SUCLA2: variants seen among roughly 807,000 people sequenced by gnomAD.
The protein encoded by SUCLA2 is succinate-CoA ligase ADP-forming subunit beta.
SUCLA2 carries 30 observed loss-of-function variants against 54.8 expected under a neutral mutation model. The observed-to-expected ratio is 0.55, with a 90% CI of 0.41 to 0.74. The LOEUF (loss-of-function observed/expected upper bound fraction) is 0.74, where lower values mean the gene tolerates loss of function less well. SUCLA2 is among the 30% of genes least tolerant of loss of function. The pLI is 0.00. For synonymous variants in SUCLA2, 172 were observed against 188.9 expected (o/e 0.91, Z 0.74); for missense variants, 476 against 562.9 (o/e 0.85, Z 1.56).
At chr13:47,992,285 G>A (rs910384841) in intron 2 of SUCLA2, among the ~76,000 whole-genome samples, 4 of 147,452 alleles carry the variant, frequency 2.7e-5, no homozygotes, top group East Asian at 2.0e-4. Flanking sequence ...TCTCTTCCCC[G>A]CAAAGTGTCA....
At chr13:47,987,552 T>C (rs1704661498) in intron 4 of SUCLA2, 1 of 152,148 alleles carries the variant, frequency 6.6e-6, no homozygotes, top group African/African-American at 2.4e-5. Flanking sequence ...CTTAATTTTA[T>C]ATTCTGAGTG....
intron 10 of SUCLA2, among the ~76,000 whole-genome samples, chr13:47,947,075 A>C (rs1252118333): frequency 6.6e-6 from 1 of 152,198 alleles, no homozygotes; most frequent in Non-Finnish European, 1.5e-5. Flanking sequence ...GATGAGCCTG[A>C]AACATTTTAT....
At position 47,959,283 on chromosome 13, in the gene SUCLA2, A is replaced by G. The variant is rs118141129; in HGVS notation, c.803-4726T>C. ...AACAAGTGGGGGAGAAAGGTATGAA[A>G]AAAATTATGTATATGATGATCATGT... On this transcript the variant is annotated intron_variant, in intron 6 of 10. Transcript: ENST00000646932. 6.7e-3 allele frequency among the ~76,000 whole-genome samples: 1,025 copies of G among 152,184 alleles called. 38 individuals are homozygous for G. The highest frequency in any genetic ancestry group is 0.065 in the East Asian group (339 of 5,186).
chr13:47,978,867 T>A (rs1482859602), intron 4 of SUCLA2, among the ~76,000 whole-genome samples: 1 of 152,140 alleles, frequency 6.6e-6, no homozygotes, highest in Admixed American at 6.5e-5. Context: ...TATGAACAGA[T>A]ACTTTTCAAA....
At chr13:47,983,529 G>T (rs1241343525) in intron 4 of SUCLA2, among the ~76,000 whole-genome samples, 2 of 140,350 alleles carry the variant, frequency 1.4e-5, no homozygotes, top group African/African-American at 5.5e-5. Flanking sequence ...TCGCTCTGTC[G>T]CCCAGGCTGG....
At chr13:47,982,772 C>A (rs1253029769) in intron 4 of SUCLA2, among the ~76,000 whole-genome samples, 1 of 151,830 alleles carries the variant, frequency 6.6e-6, no homozygotes, top group Non-Finnish European at 1.5e-5. Context: ...CAATATTCTG[C>A]ATACTGCCAC....
At chr13:47,977,536 G>A (rs1270368550) in intron 4 of SUCLA2, among the ~76,000 whole-genome samples, 1 of 151,814 alleles carries the variant, frequency 6.6e-6, no homozygotes, top group East Asian at 1.9e-4. Flanking sequence ...AAAAATACTA[G>A]CAAACTGAAT....
chr13:47,957,870 C>CA (rs1380364902), intron 6 of SUCLA2, among the ~76,000 whole-genome samples: 1 of 152,172 alleles, frequency 6.6e-6, no homozygotes, highest in Non-Finnish European at 1.5e-5. Flanking sequence ...AGAGGAAGCA[C>CA]CTCAAGTGTG....
At chr13:47,944,688 C>A (rs1949715188) in intron 10 of SUCLA2, among the ~76,000 whole-genome samples, 1 of 152,124 alleles carries the variant, frequency 6.6e-6, no homozygotes, top group Admixed American at 6.5e-5. Context: ...TGCTCAAATT[C>A]TTTATTTTTA....
At chr13:47,962,054 T>A (rs1030238129) in intron 6 of SUCLA2, among the ~76,000 whole-genome samples, 4 of 152,110 alleles carry the variant, frequency 2.6e-5, no homozygotes, top group African/African-American at 9.7e-5. Flanking sequence ...AGAGCAGGAG[T>A]TCATTGCATG....
intron 6 of SUCLA2, among the ~76,000 whole-genome samples, chr13:47,957,763 G>A (rs75244477): frequency 0.063 from 9,562 of 152,144 alleles, 357 homozygotes; most frequent in Middle Eastern, 0.095. Flanking sequence ...GCAAGTGAGC[G>A]TCCTTTGTGG....
intron 6 of SUCLA2, chr13:47,965,434 G>C: frequency 2.7e-6 from 1 of 374,214 alleles, no homozygotes; most frequent in Non-Finnish European, 4.6e-6. Context: ...AACCATGAGG[G>C]AACATCAAAC....
intron 8 of SUCLA2, among the ~76,000 whole-genome samples, chr13:47,952,187 T>A (rs1949781783): frequency 6.6e-6 from 1 of 152,126 alleles, no homozygotes; most frequent in Non-Finnish European, 1.5e-5. Flanking sequence ...TGTTTCCCAA[T>A]GCCTTACTTC....
chr13:47,956,018 G>A (rs1949817978), intron 6 of SUCLA2, among the ~76,000 whole-genome samples: 1 of 152,230 alleles, frequency 6.6e-6, no homozygotes, highest in Admixed American at 6.5e-5. Flanking sequence ...AAAATGCACA[G>A]TGTATGAGTC....
At chr13:47,970,285 T>C (rs1949952185) in intron 5 of SUCLA2, among the ~76,000 whole-genome samples, 3 of 152,124 alleles carry the variant, frequency 2.0e-5, no homozygotes, top group Admixed American at 2.0e-4. Flanking sequence ...ACAAAGTAAT[T>C]CTGATCAATC....
chr13:47,973,759 TA>T (rs1023609423), intron 4 of SUCLA2, among the ~76,000 whole-genome samples: 138 of 152,084 alleles, frequency 9.1e-4, no homozygotes, highest in African/African-American at 3.3e-3. Context: ...TATGCAGCCA[TA>T]AAAAAAGAAT....
chr13:47,968,051 G>C (rs1478953376), intron 6 of SUCLA2, among the ~76,000 whole-genome samples: 1 of 152,076 alleles, frequency 6.6e-6, no homozygotes, highest in Non-Finnish European at 1.5e-5. Context: ...AGTGAATAAA[G>C]AAAGATGCAA....
chr13:47,943,766 G>GTGTGTGTGTATATA (rs1300486540), intron 10 of SUCLA2, among the ~76,000 whole-genome samples: 53 of 139,658 alleles, frequency 3.8e-4, no homozygotes, highest in African/African-American at 1.4e-3. Flanking sequence ...GTGTGTGTGT[G>GTGTGTGTGTATATA]TATATATATA....
intron 6 of SUCLA2, among the ~76,000 whole-genome samples, chr13:47,959,724 T>C (rs753773030): frequency 6.6e-6 from 1 of 152,170 alleles, no homozygotes; most frequent in African/African-American, 2.4e-5. Flanking sequence ...GTTTAGACAA[T>C]AGATTCTTTA....
Sources: allele counts gnomAD v4.1 joint callset (sites outside exome capture counted in the v4.1 genomes callset), GRCh38; gene constraint gnomAD v4.1.1; transcripts MANE v1.5; gene names NCBI Gene and HGNC (gene_info 2026-07-23, HGNC 2026-07-21).